GRB14: variants seen among roughly 807,000 people sequenced by gnomAD.
GRB14 encodes the protein growth factor receptor bound protein 14.
Under a neutral mutation model 69.1 loss-of-function variants are expected in GRB14, and 38 were observed. That is an observed-to-expected ratio of 0.55 (90% confidence interval 0.42 to 0.72). The LOEUF (loss-of-function observed/expected upper bound fraction) is 0.72, where lower values mean the gene tolerates loss of function less well. GRB14 is among the 30% of genes least tolerant of loss of function. The probability of loss-of-function intolerance (pLI) is 0.00; values close to 1 mark genes in which losing one functional copy is unlikely to be tolerated. For missense variants in GRB14, 666 were observed against 666.1 expected (o/e 1.00, Z 0.00); for synonymous variants, 247 against 241.3 (o/e 1.02, Z -0.22).
chr2:164,566,658 C>A (rs954431956), intron 2 of GRB14, among the ~76,000 whole-genome samples: 2 of 152,178 alleles, frequency 1.3e-5, no homozygotes, highest in African/African-American at 4.8e-5. Flanking sequence ...TAACCAATTT[C>A]CCCTAGGCTA....
intron 2 of GRB14, among the ~76,000 whole-genome samples, chr2:164,552,521 T>C (rs1156236664): frequency 1.3e-5 from 2 of 152,184 alleles, no homozygotes; most frequent in Non-Finnish European, 2.9e-5. Context: ...AAGAGACAAA[T>C]ACTTTCTCAT....
intron 6 of GRB14, among the ~76,000 whole-genome samples, chr2:164,515,003 A>T (rs1449567970): frequency 2.0e-5 from 3 of 152,120 alleles, no homozygotes; most frequent in Non-Finnish European, 4.4e-5. Flanking sequence ...CTGGGAACAT[A>T]ACTCCATTGG....
intron 6 of GRB14, among the ~76,000 whole-genome samples, chr2:164,513,377 A>AGAT (rs1263910718): frequency 6.6e-6 from 1 of 152,208 alleles, no homozygotes; most frequent in Non-Finnish European, 1.5e-5. Flanking sequence ...GGGTCACTGA[A>AGAT]GATATAATTA....
At chr2:164,620,746 G>T (rs940470562) in intron 1 of GRB14, among the ~76,000 whole-genome samples, 2 of 152,090 alleles carry the variant, frequency 1.3e-5, no homozygotes, top group Non-Finnish European at 2.9e-5. Flanking sequence ...GACTCTATGT[G>T]GGAGGTGAAT....
intron 6 of GRB14, among the ~76,000 whole-genome samples, chr2:164,513,447 T>G (rs906667041): frequency 9.2e-5 from 14 of 152,174 alleles, no homozygotes; most frequent in African/African-American, 3.4e-4. Flanking sequence ...ACAAGTGTTG[T>G]TATAAGAGAC....
chr2:164,509,154 G>A (rs1000148459), intron 6 of GRB14, among the ~76,000 whole-genome samples: 4 of 152,214 alleles, frequency 2.6e-5, no homozygotes, highest in African/African-American at 4.8e-5. Flanking sequence ...GAATCTGAGA[G>A]AGAAAAAAGT....
At chr2:164,552,323 A>C (rs1326355774) in intron 2 of GRB14, among the ~76,000 whole-genome samples, 1 of 152,226 alleles carries the variant, frequency 6.6e-6, no homozygotes, top group African/African-American at 2.4e-5. Flanking sequence ...CCCCAGGGTG[A>C]TACATGACTT....
At chr2:164,599,191 G>C (rs569761074) in intron 2 of GRB14, among the ~76,000 whole-genome samples, 1 of 152,238 alleles carries the variant, frequency 6.6e-6, no homozygotes, top group South Asian at 2.1e-4. Flanking sequence ...TAGTCAGAGA[G>C]GGCTCAGATA....
chr2:164,589,731 G>C (rs1340289488), intron 2 of GRB14, among the ~76,000 whole-genome samples: 2 of 152,110 alleles, frequency 1.3e-5, no homozygotes, highest in Admixed American at 6.6e-5. Flanking sequence ...ATGAGGTTTG[G>C]AGGGGTCAAA....
chr2:164,573,849 T>C (rs1159386149), intron 2 of GRB14: 41 of 1,612,762 alleles, frequency 2.5e-5, no homozygotes, highest in East Asian at 4.5e-5. Flanking sequence ...GAAAGGTGGA[T>C]TGTAAATTTG....
chr2:164,588,884 C>G (rs1689595939), intron 2 of GRB14, among the ~76,000 whole-genome samples: 1 of 152,158 alleles, frequency 6.6e-6, no homozygotes, highest in Non-Finnish European at 1.5e-5. Context: ...CAGCTTGCTG[C>G]AGGGAAGGCT....
At chr2:164,537,530 A>G (rs1688109355) in intron 3 of GRB14, among the ~76,000 whole-genome samples, 1 of 152,194 alleles carries the variant, frequency 6.6e-6, no homozygotes, top group African/African-American at 2.4e-5. Context: ...TACAAGCCCC[A>G]CAGAGGACCT....
In GRB14 at chr2:164,502,293, C is replaced by T; in HGVS notation, c.1066G>A (p.Gly356Ser). Residue 356 changes from glycine to serine, a missense_variant, in exon 9 of 14, where the codon GGT becomes AGT. Coordinates refer to ENST00000263915, the MANE Select transcript of GRB14 (RefSeq NM_004490.3). ...CTCTGTGAACTGCAGCCACTTCTACCTTGATATGGATGCATATAATTCTGG... is the reference window on the plus strand; with the variant it reads ...CTCTGTGAACTGCAGCCACTTCTACTTTGATATGGATGCATATAATTCTGG... ...LYQNYMHPYQ[G>S]RSGCSSQSIS... The T allele has an allele frequency of 6.2e-7, 1 of 1,607,274 alleles. No individual in the cohort carries two copies. The highest frequency in any genetic ancestry group is 8.5e-7 in the Non-Finnish European group (1 of 1,174,416).
chr2:164,494,771 T>C (rs1430778293), intron 12 of GRB14, among the ~76,000 whole-genome samples: 11 of 152,118 alleles, frequency 7.2e-5, no homozygotes, highest in Admixed American at 7.2e-4. Flanking sequence ...AGATTGTTTG[T>C]TTGATCACAA....
chr2:164,551,115 T>C (rs1688526636), intron 2 of GRB14, among the ~76,000 whole-genome samples: 1 of 152,246 alleles, frequency 6.6e-6, no homozygotes, highest in Admixed American at 6.5e-5. Context: ...AAGGTCTTTT[T>C]AAAATTTTTA....
At chr2:164,545,808 T>C (rs1426364378) in intron 3 of GRB14, among the ~76,000 whole-genome samples, 1 of 152,168 alleles carries the variant, frequency 6.6e-6, no homozygotes, top group East Asian at 1.9e-4. Flanking sequence ...GGGGACAAAA[T>C]TGTTGCCAAA....
intron 2 of GRB14, among the ~76,000 whole-genome samples, chr2:164,591,184 C>G (rs1230554879): frequency 1.3e-5 from 2 of 152,162 alleles, no homozygotes; most frequent in Non-Finnish European, 2.9e-5. Flanking sequence ...AATATAAAGA[C>G]TTTCTAAGAC....
chr2:164,602,492 C>T (rs774584083), intron 2 of GRB14, among the ~76,000 whole-genome samples: 14 of 152,026 alleles, frequency 9.2e-5, no homozygotes, highest in Non-Finnish European at 1.9e-4. Flanking sequence ...TACAGACAAA[C>T]TTGGTTTACA....
chr2:164,621,042 C>T lies in GRB14; in HGVS notation c.191+77G>A. The stretch of plus-strand genomic sequence containing the variant: ...GGCCCAGCTCTGGGCACATGGCTCA[C>T]CCCCTAGGACCGCCTCCTCACCCCC... On this transcript the variant is annotated intron_variant, in intron 1 of 13. Transcript: ENST00000263915. This position sits in a 1 kb window ranked among gnomAD's most constrained non-coding sequence, Gnocchi z 6.0. 2 of 1,179,962 alleles carry T rather than the reference C, an allele frequency of 1.7e-6. No individual in the cohort carries two copies. Among genetic ancestry groups the T allele is most frequent in the Non-Finnish European group, 2.1e-6 (2 of 931,084 alleles). 73.1% of individuals were successfully genotyped at this position (1,179,962 alleles called of 1,614,324 possible).
Sources: gnomAD v4.1 joint callset for allele counts (sites outside exome capture counted in the v4.1 genomes callset) on GRCh38, gnomAD v4.1.1 for gene constraint, Gnocchi (gnomAD v3.1) non-coding constraint, MANE v1.5 for transcripts, NCBI Gene and HGNC (gene_info 2026-07-23, HGNC 2026-07-21) for gene names.